Variants in CALN1 observed in about 807,000 individuals in gnomAD.
CALN1 encodes the protein calcium-binding protein 8.
In CALN1, 17 loss-of-function variants were observed where a neutral mutation model predicts 30.6. The ratio of observed to expected loss-of-function variants is 0.56; its 90% CI spans 0.38 to 0.83. The LOEUF is 0.83. Among genes scored for constraint, CALN1 ranks in the 40% least tolerant of loss-of-function variants. The probability of loss-of-function intolerance (pLI) is 0.00; values close to 1 mark genes in which losing one functional copy is unlikely to be tolerated. For synonymous variants in CALN1, 156 were observed against 131.4 expected (o/e 1.19, Z -1.28); for missense variants, 291 against 354.9 (o/e 0.82, Z 1.45).
At chr7:72,054,930 A>G (rs1364401841) in intron 4 of CALN1, among the ~76,000 whole-genome samples, 1 of 152,112 alleles carries the variant, frequency 6.6e-6, no homozygotes, top group Non-Finnish European at 1.5e-5. Context: ...AAAACAAAAC[A>G]CACAGAGCTA....
intron 5 of CALN1, among the ~76,000 whole-genome samples, chr7:71,884,798 T>C (rs762409553): frequency 1.2e-4 from 19 of 152,290 alleles, no homozygotes; most frequent in Non-Finnish European, 2.2e-4. Flanking sequence ...TATTTTGAAA[T>C]GGTCCTGCAA....
At chr7:71,808,848 T>C (rs1359770523) in intron 6 of CALN1, among the ~76,000 whole-genome samples, 6 of 152,170 alleles carry the variant, frequency 3.9e-5, no homozygotes, top group Non-Finnish European at 7.3e-5. Flanking sequence ...CCGAGCGAGA[T>C]GGATTGGGAA....
intron 2 of CALN1, among the ~76,000 whole-genome samples, chr7:72,397,505 C>T (rs991885900): frequency 3.9e-5 from 6 of 152,086 alleles, no homozygotes; most frequent in African/African-American, 1.2e-4. Context: ...AATGAATAAG[C>T]TGCTAGGGAA....
At chr7:72,436,583 C>A (rs543550245) in intron 1 of CALN1, among the ~76,000 whole-genome samples, 9 of 152,072 alleles carry the variant, frequency 5.9e-5, no homozygotes, top group Non-Finnish European at 1.2e-4. Flanking sequence ...TTGGGCCTGG[C>A]AGCTGGCCAC....
rs529295065 is a variant in CALN1 at position 72,314,550 on chromosome 7, A to G, written c.120-35740T>C. Among the ~76,000 whole-genome samples the G allele has an allele frequency of 7.3e-5, 11 of 151,164 alleles. No homozygotes were observed. The South Asian group carries it at 2.3e-3, about 32-fold the overall frequency. ...GTGATACTCCTACCTCAGCCTCCCGAGTAGCTGGAATACAAGTGCCCACCA... is the reference window on the plus strand; with the variant it reads ...GTGATACTCCTACCTCAGCCTCCCGGGTAGCTGGAATACAAGTGCCCACCA... On this transcript the variant is annotated intron_variant, in intron 2 of 6. Transcript: ENST00000395275.
intron 5 of CALN1, among the ~76,000 whole-genome samples, chr7:71,959,654 G>T (rs938790641): frequency 2.0e-5 from 3 of 150,216 alleles, no homozygotes. Context: ...GGAAGGGTAT[G>T]TGTGGTGGAT....
chr7:72,396,556 G>GT (rs1422709128), intron 2 of CALN1, among the ~76,000 whole-genome samples: 1 of 152,204 alleles, frequency 6.6e-6, no homozygotes, highest in African/African-American at 2.4e-5. Flanking sequence ...TAAAGACAGT[G>GT]TGTCGGGGAA....
At chr7:72,415,480 G>C (rs888619270), upstream of CALN1, among the ~76,000 whole-genome samples, 3 of 152,256 alleles carry the variant, frequency 2.0e-5, no homozygotes, top group Non-Finnish European at 4.4e-5. Context: ...CAGATGTCAT[G>C]ATTTAAAGAG....
intron 3 of CALN1, among the ~76,000 whole-genome samples, chr7:72,147,193 G>A (rs915427358): frequency 1.6e-4 from 25 of 152,076 alleles, no homozygotes; most frequent in Admixed American, 3.3e-4. Context: ...CCTACAGCAC[G>A]GGAGAAAATT....
At chr7:72,281,612 T>C (rs1797736834) in intron 2 of CALN1, among the ~76,000 whole-genome samples, 1 of 152,216 alleles carries the variant, frequency 6.6e-6, no homozygotes. Context: ...TTCACAAGCA[T>C]GGAAAGACAC....
chr7:72,340,743 C>A (rs997172459), intron 2 of CALN1, among the ~76,000 whole-genome samples: 1 of 152,150 alleles, frequency 6.6e-6, no homozygotes, highest in Non-Finnish European at 1.5e-5. Flanking sequence ...CCCATAATTC[C>A]CACATGTTGT....
At chr7:72,406,049 T>G (rs1806673447) in intron 1 of CALN1, among the ~76,000 whole-genome samples, 1 of 152,108 alleles carries the variant, frequency 6.6e-6, no homozygotes. Context: ...GAACAATCGC[T>G]CCTGCTGCTC....
intron 3 of CALN1, among the ~76,000 whole-genome samples, chr7:72,252,163 CCT>C (rs1321930220): frequency 2.0e-5 from 3 of 152,070 alleles, no homozygotes; most frequent in East Asian, 1.9e-4. Flanking sequence ...TTCTTTCTCC[CCT>C]CTCAGTTAAT....
At chr7:72,058,497 TTAGTA>T (rs1362799836) in intron 4 of CALN1, among the ~76,000 whole-genome samples, 1 of 151,758 alleles carries the variant, frequency 6.6e-6, no homozygotes, top group East Asian at 1.9e-4. Flanking sequence ...TTTTGTATTT[TTAGTA>T]GAGATGGGGT....
intron 2 of CALN1, among the ~76,000 whole-genome samples, chr7:72,293,050 G>A (rs1798603903): frequency 1.3e-5 from 2 of 151,954 alleles, no homozygotes; most frequent in Non-Finnish European, 2.9e-5. Context: ...ATCTCCCTGG[G>A]CTCTGAGTTT....
intron 3 of CALN1, among the ~76,000 whole-genome samples, chr7:72,183,447 A>G (rs76692059): frequency 0.02 from 3,064 of 152,328 alleles, 44 homozygotes; most frequent in Non-Finnish European, 0.026. Flanking sequence ...CCAGGTAGAA[A>G]AAAAGGAGGC....
At chr7:72,034,455 G>C (rs1400015741) in intron 4 of CALN1, among the ~76,000 whole-genome samples, 1 of 137,622 alleles carries the variant, frequency 7.3e-6, no homozygotes, top group Non-Finnish European at 1.5e-5. Flanking sequence ...AGGCAGGATG[G>C]TGTCAAGGAG....
chr7:72,122,406 A>C (rs1808459833), intron 3 of CALN1, among the ~76,000 whole-genome samples: 1 of 151,868 alleles, frequency 6.6e-6, no homozygotes. Context: ...GCATGGCACC[A>C]CCTCCCCTGC....
At chr7:71,908,888 T>TGTCCTTTCAGGGATCCAGGGAC (rs1330325379) in intron 5 of CALN1, among the ~76,000 whole-genome samples, 2 of 152,214 alleles carry the variant, frequency 1.3e-5, no homozygotes, top group Non-Finnish European at 2.9e-5. Context: ...TATCCAGGGA[T>TGTCCTTTCAGGGATCCAGGGAC]GTCCTTTCAG....
Sources: gnomAD v4.1 joint callset for allele counts (sites outside exome capture counted in the v4.1 genomes callset) on GRCh38, gnomAD v4.1.1 for gene constraint, MANE v1.5 for transcripts, NCBI Gene and HGNC (gene_info 2026-07-23, HGNC 2026-07-21) for gene names.